ERAP1: variants seen among roughly 807,000 people sequenced by gnomAD.
The protein encoded by ERAP1 is endoplasmic reticulum aminopeptidase 1.
ERAP1 carries 86 observed loss-of-function variants against 103.7 expected under a neutral mutation model. The ratio of observed to expected loss-of-function variants is 0.83; its 90% confidence interval spans 0.70 to 0.99. ERAP1 has a LOEUF of 0.99. Ranked by LOEUF, ERAP1 falls within the 50% of genes least tolerant of loss-of-function variation. ERAP1 has a pLI of 0.00. For missense variants in ERAP1, 1,009 were observed against 1,128.4 expected (o/e 0.89, Z 1.52); for synonymous variants, 398 against 402.4 (o/e 0.99, Z 0.13).
At chr5:96,851,272 A>G in the ERAP1 span, among the ~76,000 whole-genome samples, 1 of 152,190 alleles carries the variant, frequency 6.6e-6, no homozygotes, top group African/African-American at 2.4e-5. Flanking sequence ...CTGTTGAAAT[A>G]TTAGTTTGAG....
the ERAP1 span, among the ~76,000 whole-genome samples, chr5:96,815,896 A>G: frequency 6.6e-6 from 1 of 152,310 alleles, no homozygotes; most frequent in East Asian, 1.9e-4. Flanking sequence ...AGACACATAT[A>G]TGTATGTGTG....
chr5:96,913,201 A>G, the ERAP1 span: 113 of 780,228 alleles, frequency 1.4e-4, no homozygotes, highest in African/African-American at 1.7e-3. Flanking sequence ...AAAATTGGTA[A>G]TTATACTTTT....
the ERAP1 span, among the ~76,000 whole-genome samples, chr5:96,838,942 C>T: frequency 2.6e-5 from 4 of 152,234 alleles, no homozygotes; most frequent in Non-Finnish European, 4.4e-5. Flanking sequence ...CAGTTACAAG[C>T]TTGGGGATTC....
the ERAP1 span, among the ~76,000 whole-genome samples, chr5:96,876,699 G>A: frequency 6.6e-6 from 1 of 152,126 alleles, no homozygotes; most frequent in Non-Finnish European, 1.5e-5. Flanking sequence ...ATGCAGTTGA[G>A]GCTGGGACTT....
At chr5:96,780,943 A>C in intron 17 of ERAP1, 115 bp downstream of exon 17, 1 of 1,215,310 alleles carries the variant, frequency 8.2e-7, no homozygotes, top group Non-Finnish European at 1.2e-6. Flanking sequence ...TCTACTGCCT[A>C]TCTTCAATCA....
intron 4 of ERAP1, among the ~76,000 whole-genome samples, chr5:96,795,494 C>T (rs26617): frequency 0.22 from 33,853 of 152,078 alleles, 3,823 homozygotes; most frequent in East Asian, 0.27. Flanking sequence ...TTAACCCTGC[C>T]GGCACTAGCC....
At chr5:96,782,391 AT>A in intron 15 of ERAP1, among the ~76,000 whole-genome samples, 1 of 152,206 alleles carries the variant, frequency 6.6e-6, no homozygotes, top group Non-Finnish European at 1.5e-5. Context: ...GTGAAATGCC[AT>A]TTTTATAAAT....
chr5:96,897,256 A>G, the ERAP1 span, among the ~76,000 whole-genome samples: 2 of 152,322 alleles, frequency 1.3e-5, no homozygotes, highest in Middle Eastern at 3.4e-3. Context: ...CTTCTCTCTT[A>G]TAAGAAGAAA....
the ERAP1 span, among the ~76,000 whole-genome samples, chr5:96,862,648 C>T: frequency 2.0e-5 from 3 of 152,150 alleles, no homozygotes; most frequent in Non-Finnish European, 4.4e-5. Context: ...CTTTTAGTAG[C>T]GAATGAGTTT....
chr5:96,883,800 C>A, the ERAP1 span: 5 of 1,610,186 alleles, frequency 3.1e-6, no homozygotes, highest in Non-Finnish European at 3.4e-6. Context: ...AGAATTCTTG[C>A]AGTAACAGAT....
At chr5:96,895,174 A>G in the ERAP1 span, 1 of 835,032 alleles carries the variant, frequency 1.2e-6, no homozygotes, top group Non-Finnish European at 1.9e-6. Context: ...GTTAGTAACT[A>G]TTGTATTTTT....
chr5:96,780,953 A>C, intron 17 of ERAP1, 105 bp downstream of exon 17: 1 of 1,378,052 alleles, frequency 7.3e-7, no homozygotes, highest in East Asian at 2.4e-5. Flanking sequence ...ATCTTCAATC[A>C]AAAAGTACCT....
Position 96,774,648 on chromosome 5 carries a change from T to C in ERAP1, c.*1748A>G, listed in dbSNP as rs1427231636. 3.0e-6 allele frequency: 3 copies of C among 984,760 alleles called. No individual in the cohort carries two copies. The highest frequency in any genetic ancestry group is 3.6e-6 in the Non-Finnish European group (3 of 829,308). 61.0% of individuals were successfully genotyped at this position (984,760 alleles called of 1,614,324 possible). ...TTTCCATGTTTCATTAATCAAGGCATAAAATACAATTAAAGCAAAATATTT... is the reference window on the plus strand; with the variant it reads ...TTTCCATGTTTCATTAATCAAGGCACAAAATACAATTAAAGCAAAATATTT... On this transcript the variant is annotated 3_prime_UTR_variant, in exon 19 of 19. Transcript: ENST00000443439.
At chr5:96,895,745 A>T in the ERAP1 span, among the ~76,000 whole-genome samples, 4 of 152,146 alleles carry the variant, frequency 2.6e-5, no homozygotes, top group East Asian at 7.7e-4. Flanking sequence ...CTTTTCTAGA[A>T]TTTCCAAAGG....
chr5:96,915,732 C>T, the ERAP1 span: 8 of 1,599,462 alleles, frequency 5.0e-6, no homozygotes, highest in Non-Finnish European at 5.1e-6. Context: ...ATCTCTGGCA[C>T]AACAGCTCAC....
the ERAP1 span, among the ~76,000 whole-genome samples, chr5:96,933,852 G>C: frequency 6.6e-6 from 1 of 152,182 alleles, no homozygotes; most frequent in Non-Finnish European, 1.5e-5. Context: ...TATAATATCT[G>C]AACTGGGATA....
Position 96,781,845 on chromosome 5 carries a change from G to C in ERAP1, c.2295C>G (p.Val765=), listed in dbSNP as rs756177577. The C allele has an allele frequency of 6.2e-6, 10 of 1,613,766 alleles. No homozygotes were observed. The highest frequency in any genetic ancestry group is 8.5e-6 in the Non-Finnish European group (10 of 1,179,972). ...KESNGNLSLP[V]DVTLAVFAVG... is the part of the protein sequence containing the mutation. ...CAGCAAACACTGCCAAGGTCACGTC[G>C]ACAGGCAGGCTATAGAAAGGAACAC... The change falls in exon 16 of 19, where the codon GTC becomes GTG. Residue 765 remains valine (V), a synonymous_variant. Transcript: ENST00000443439.
At chr5:96,933,822 A>G in the ERAP1 span, among the ~76,000 whole-genome samples, 2 of 152,126 alleles carry the variant, frequency 1.3e-5, no homozygotes, top group South Asian at 4.1e-4. Flanking sequence ...TGTTAACAAA[A>G]TCTAGCTCTG....
At chr5:96,906,811 C>A in the ERAP1 span, among the ~76,000 whole-genome samples, 23 of 152,318 alleles carry the variant, frequency 1.5e-4, no homozygotes, top group African/African-American at 5.5e-4. Flanking sequence ...GCGGGTGGAT[C>A]ACCTGAGGTC....
Sources: gnomAD v4.1 joint callset for allele counts (sites outside exome capture counted in the v4.1 genomes callset) on GRCh38, gnomAD v4.1.1 for gene constraint, MANE v1.5 for transcripts, NCBI Gene and HGNC (gene_info 2026-07-23, HGNC 2026-07-21) for gene names.